Variants in CDH13 observed in about 807,000 individuals in gnomAD.
CDH13 encodes cadherin-13.
CDH13 carries 24 observed loss-of-function variants against 63.8 expected under a neutral mutation model. The observed-to-expected ratio is 0.38, with a 90% CI of 0.27 to 0.53. CDH13 has a LOEUF of 0.53. CDH13 is among the 20% of genes least tolerant of loss of function. The pLI, the probability that CDH13 is intolerant of heterozygous loss-of-function variation, is 0.85. For missense variants in CDH13, 1,049 were observed against 903.1 expected, an observed-to-expected ratio of 1.16 and a Z score of -2.07; for synonymous variants, 503 against 355.3, an observed-to-expected ratio of 1.42 and a Z score of -4.67.
At chr16:83,403,565 G>C (rs1480209158) in intron 6 of CDH13, among the ~76,000 whole-genome samples, 5 of 152,160 alleles carry the variant, frequency 3.3e-5, no homozygotes, top group African/African-American at 1.2e-4. Flanking sequence ...AGAGCTTGCA[G>C]TGACCCGAGA....
chr16:82,653,025 A>G (rs1168875653), intron 1 of CDH13, among the ~76,000 whole-genome samples: 1 of 152,246 alleles, frequency 6.6e-6, no homozygotes, highest in Non-Finnish European at 1.5e-5. Context: ...CCGTGACCCC[A>G]GGATGTTGTA....
intron 8 of CDH13, among the ~76,000 whole-genome samples, chr16:83,620,404 A>AG (rs2150776602): frequency 6.6e-6 from 1 of 151,962 alleles, no homozygotes; most frequent in African/African-American, 2.4e-5. Flanking sequence ...AAAAAAAAAA[A>AG]AAAAAAGATA....
At chr16:83,175,533 G>C (rs1378101901) in intron 4 of CDH13, among the ~76,000 whole-genome samples, 1 of 152,072 alleles carries the variant, frequency 6.6e-6, no homozygotes, top group Non-Finnish European at 1.5e-5. Context: ...GACTGAATCA[G>C]AGCCTCCAGT....
At chr16:82,961,404 G>A (rs1906965232) in intron 2 of CDH13, among the ~76,000 whole-genome samples, 1 of 152,022 alleles carries the variant, frequency 6.6e-6, no homozygotes, top group Non-Finnish European at 1.5e-5. Context: ...TTTTCTTTAG[G>A]CTTCTTTCCA....
chr16:83,190,981 G>A (rs1221489939), intron 4 of CDH13, among the ~76,000 whole-genome samples: 1 of 151,806 alleles, frequency 6.6e-6, no homozygotes, highest in Non-Finnish European at 1.5e-5. Context: ...GGACAGGTTT[G>A]GGGTGGGAAT....
chr16:82,842,128 A>ATATATATATATATATG (rs2039046823), intron 1 of CDH13, among the ~76,000 whole-genome samples: 13 of 48,566 alleles, frequency 2.7e-4, no homozygotes, highest in South Asian at 1.1e-3. Flanking sequence ...ATATATATAT[A>ATATATATATATATATG]TATATATATA....
intron 1 of CDH13, among the ~76,000 whole-genome samples, chr16:82,854,269 C>T (rs1284248685): frequency 6.6e-6 from 1 of 151,928 alleles, no homozygotes; most frequent in Admixed American, 6.6e-5. Flanking sequence ...GGCGTGGTGG[C>T]TGGCACCTGC....
intron 5 of CDH13, among the ~76,000 whole-genome samples, chr16:83,289,790 T>G (rs1229814201): frequency 1.3e-5 from 2 of 152,194 alleles, no homozygotes; most frequent in African/African-American, 4.8e-5. Context: ...ATGTAAGGAT[T>G]TATGACAATG....
chr16:83,185,454 TAAAGTG>T (rs2038489869), intron 4 of CDH13, among the ~76,000 whole-genome samples: 1 of 152,164 alleles, frequency 6.6e-6, no homozygotes, highest in South Asian at 2.1e-4. Context: ...TGAGACAAAT[TAAAGTG>T]AAAGACTTCA....
chr16:83,058,765 C>G (rs544734440), intron 3 of CDH13, among the ~76,000 whole-genome samples: 1 of 152,298 alleles, frequency 6.6e-6, no homozygotes, highest in Non-Finnish European at 1.5e-5. Flanking sequence ...CTGGGATGGT[C>G]TTAAAAACAA....
intron 2 of CDH13, among the ~76,000 whole-genome samples, chr16:82,882,315 T>G (rs1055417822): frequency 1.3e-5 from 2 of 152,194 alleles, no homozygotes; most frequent in African/African-American, 4.8e-5. Flanking sequence ...TGGGTACTAA[T>G]GTCATCTTCC....
chr16:82,885,748 G>A (rs2040865277), intron 2 of CDH13, among the ~76,000 whole-genome samples: 2 of 152,140 alleles, frequency 1.3e-5, no homozygotes, highest in African/African-American at 2.4e-5. Context: ...AATTCTGTCT[G>A]TATGTATCAT....
At chr16:83,708,524 T>G (rs915731987) in intron 10 of CDH13, among the ~76,000 whole-genome samples, 5 of 152,318 alleles carry the variant, frequency 3.3e-5, no homozygotes, top group African/African-American at 1.2e-4. Flanking sequence ...TGTCCTCTTC[T>G]CTGAATTCAT....
At chr16:82,890,695 A>G (rs2041050533) in intron 2 of CDH13, among the ~76,000 whole-genome samples, 1 of 143,774 alleles carries the variant, frequency 7.0e-6, no homozygotes, top group Non-Finnish European at 1.5e-5. Flanking sequence ...TCTGTAGCCC[A>G]GGCTAGAGTG....
chr16:83,271,635 C>G (rs9923404), intron 5 of CDH13, among the ~76,000 whole-genome samples: 2,238 of 151,756 alleles, frequency 0.015, 40 homozygotes, highest in Middle Eastern at 0.044. Context: ...TTCTCAATTA[C>G]AGTAAGAAAA....
At chr16:82,794,664 A>T (rs2036494157) in intron 1 of CDH13, among the ~76,000 whole-genome samples, 1 of 152,204 alleles carries the variant, frequency 6.6e-6, no homozygotes, top group African/African-American at 2.4e-5. Context: ...TGAAATGAAT[A>T]GTTATGTTGC....
intron 7 of CDH13, among the ~76,000 whole-genome samples, chr16:83,600,553 G>A (rs1907691303): frequency 6.6e-6 from 1 of 152,200 alleles, no homozygotes; most frequent in Non-Finnish European, 1.5e-5. Flanking sequence ...TAGGACTTCA[G>A]AAGAAAATTG....
chr16:83,086,641 A>T (rs991896670), intron 3 of CDH13, among the ~76,000 whole-genome samples: 1 of 152,206 alleles, frequency 6.6e-6, no homozygotes, highest in Non-Finnish European at 1.5e-5. Context: ...CATTTAAACC[A>T]TGCTTTGAAA....
rs546812968 is a variant in CDH13 at position 82,644,499 on chromosome 16, C to T, written c.45+17362C>T. On this transcript the variant is annotated intron_variant, in intron 1 of 13. Coordinates refer to ENST00000567109, the MANE Select transcript of CDH13 (RefSeq NM_001257.5). The surrounding 1 kb of genome is among the most constrained non-coding windows in gnomAD (Gnocchi z 5.7). Reference sequence around the variant, plus strand: ...CTGAGTGACAAAGCCATTAGCCATGCACAGTGAAACAAGGAAAGCAGCCTA... The same window carrying T: ...CTGAGTGACAAAGCCATTAGCCATGTACAGTGAAACAAGGAAAGCAGCCTA... Among the ~76,000 whole-genome samples, 9 of 152,292 alleles carry T rather than the reference C, an allele frequency of 5.9e-5. No individual in the cohort carries two copies. Among genetic ancestry groups the T allele is most frequent in the African/African-American group, 1.9e-4 (8 of 41,552 alleles).
Sources: allele counts gnomAD v4.1 joint callset (sites outside exome capture counted in the v4.1 genomes callset), GRCh38; gene constraint gnomAD v4.1.1; non-coding constraint Gnocchi (gnomAD v3.1); transcripts MANE v1.5; gene names NCBI Gene and HGNC (gene_info 2026-07-23, HGNC 2026-07-21).